Variants in DENND4C observed in about 807,000 individuals in gnomAD.
DENND4C encodes DENN domain-containing protein 4C.
A neutral mutation model predicts 203.0 loss-of-function variants in DENND4C; 108 were observed. That is an observed-to-expected ratio of 0.53 (90% CI 0.46 to 0.62). The LOEUF (loss-of-function observed/expected upper bound fraction) is 0.62, where lower values mean the gene tolerates loss of function less well. Among genes scored for constraint, DENND4C ranks in the 20% least tolerant of loss-of-function variants. DENND4C has a pLI of 0.00. For synonymous variants in DENND4C, 871 were observed against 792.4 expected (o/e 1.10, Z -1.67); for missense variants, 2,481 against 2,301.2 (o/e 1.08, Z -1.60).
intron 3 of DENND4C, among the ~76,000 whole-genome samples, chr9:19,288,284 A>G (rs55948572): frequency 0.066 from 9,974 of 152,214 alleles, 1,037 homozygotes; most frequent in African/African-American, 0.22. Context: ...GTCTTCCCCA[A>G]TTTGGGCTCC....
intron 30 of DENND4C, among the ~76,000 whole-genome samples, chr9:19,367,908 T>C (rs1228053972): frequency 6.6e-6 from 1 of 152,222 alleles, no homozygotes; most frequent in African/African-American, 2.4e-5. Context: ...TAGATTGTAT[T>C]ATTCCATTTA....
intron 30 of DENND4C, among the ~76,000 whole-genome samples, chr9:19,364,932 CA>C (rs1220941462): frequency 2.0e-5 from 3 of 151,976 alleles, no homozygotes; most frequent in Non-Finnish European, 2.9e-5. Flanking sequence ...AAATTTTGCC[CA>C]GGGGGAGAGG....
chr9:19,345,390 G>T (rs1415178679), intron 22 of DENND4C, among the ~76,000 whole-genome samples: 1 of 152,100 alleles, frequency 6.6e-6, no homozygotes, highest in Non-Finnish European at 1.5e-5. Flanking sequence ...TTGAAGAAAT[G>T]GATATATCTG....
intron 30 of DENND4C, among the ~76,000 whole-genome samples, chr9:19,367,139 A>G (rs1422051235): frequency 6.6e-6 from 1 of 152,260 alleles, no homozygotes; most frequent in African/African-American, 2.4e-5. Flanking sequence ...CAAAACCACA[A>G]GGAAATAACA....
chr9:19,255,857 C>T lies in DENND4C; in HGVS notation c.-17-20301C>T, dbSNP rs1246763542. The stretch of plus-strand genomic sequence containing the variant: ...AGGATGTAGTAGACTTGTTACAACA[C>T]TATTTACTTGACTTGATTTATAGAG... On this transcript the variant is annotated intron_variant, in intron 1 of 32. Coordinates refer to ENST00000434457, the MANE Select transcript of DENND4C (RefSeq NM_001330640.2). Among the ~76,000 whole-genome samples, 11 of 152,298 alleles carry T rather than the reference C, an allele frequency of 7.2e-5. No homozygotes were observed. In the East Asian group the frequency reaches 2.1e-3, roughly 29 times the overall value.
chr9:19,333,067 T>C (rs1003661289), intron 17 of DENND4C, among the ~76,000 whole-genome samples: 4 of 151,808 alleles, frequency 2.6e-5, no homozygotes, highest in Non-Finnish European at 4.4e-5. Flanking sequence ...CAAGCTGGAG[T>C]GCAGTGGCAC....
intron 2 of DENND4C, among the ~76,000 whole-genome samples, chr9:19,286,168 A>G (rs1564120036): frequency 6.6e-6 from 1 of 152,196 alleles, no homozygotes. Flanking sequence ...TTGCCATCTT[A>G]TCAATTTTCA....
chr9:19,341,312 T>TTTC (rs1821596272), intron 21 of DENND4C, among the ~76,000 whole-genome samples, 198 bp downstream of exon 21: 1 of 44,592 alleles, frequency 2.2e-5, no homozygotes, highest in East Asian at 6.4e-4. Context: ...TCTTTCTTTC[T>TTTC]TTTTTTTTTT....
chr9:19,356,276 T>C (rs555592100), intron 26 of DENND4C, among the ~76,000 whole-genome samples: 1 of 152,328 alleles, frequency 6.6e-6, no homozygotes, highest in South Asian at 2.1e-4. Flanking sequence ...TAGAGTTCAG[T>C]ATTTATTGAC....
At position 19,373,956 on chromosome 9, in the gene DENND4C, A is replaced by G. The variant is rs1378310775; in HGVS notation, c.*1783A>G. 6.6e-6 allele frequency among the ~76,000 whole-genome samples: 1 copy of G among 152,184 alleles called. No homozygotes were observed. Among genetic ancestry groups the G allele is most frequent in the Admixed American group, 6.5e-5 (1 of 15,272 alleles). On this transcript the variant is annotated 3_prime_UTR_variant, in exon 33 of 33. Transcript: ENST00000434457. ...TGCTAAATGAAACAATTTGTCAGAAATTATGTACAATTTTCATTACCTTCA... is the reference window on the plus strand; with the variant it reads ...TGCTAAATGAAACAATTTGTCAGAAGTTATGTACAATTTTCATTACCTTCA...
intron 10 of DENND4C, among the ~76,000 whole-genome samples, chr9:19,313,331 T>C (rs1357110521): frequency 6.6e-6 from 1 of 152,186 alleles, no homozygotes; most frequent in Non-Finnish European, 1.5e-5. Flanking sequence ...TTAGATGAAA[T>C]GTAGTTCATC....
chr9:19,249,372 C>T (rs998478734), intron 1 of DENND4C, among the ~76,000 whole-genome samples: 2 of 151,168 alleles, frequency 1.3e-5, no homozygotes, highest in Non-Finnish European at 2.9e-5. Context: ...CCTGCCTCAG[C>T]CTCCCGAGTA....
At chr9:19,241,349 C>T (rs1390703692) in intron 1 of DENND4C, among the ~76,000 whole-genome samples, 2 of 152,070 alleles carry the variant, frequency 1.3e-5, no homozygotes, top group East Asian at 1.9e-4. Context: ...TTCTTTAAAT[C>T]CTTATTCTGT....
chr9:19,361,297 G>T (rs1826444620), intron 29 of DENND4C, among the ~76,000 whole-genome samples: 1 of 152,170 alleles, frequency 6.6e-6, no homozygotes, highest in South Asian at 2.1e-4. Flanking sequence ...TCTGTAAGGT[G>T]ACATACCTAA....
At chr9:19,361,994 C>T (rs373675601) in intron 30 of DENND4C, 31 bp downstream of exon 30, 4 of 1,400,546 alleles carry the variant, frequency 2.9e-6, no homozygotes, top group African/African-American at 2.8e-5. Flanking sequence ...GACATAACAG[C>T]CAGGTGCAGT....
chr9:19,313,097 C>T (rs971309236), intron 10 of DENND4C, among the ~76,000 whole-genome samples: 1 of 151,820 alleles, frequency 6.6e-6, no homozygotes, highest in Admixed American at 6.6e-5. Flanking sequence ...CTGTTTTTTT[C>T]CCATCTACTT....
chr9:19,314,508 C>A (rs1260847301), intron 10 of DENND4C, among the ~76,000 whole-genome samples: 1 of 152,052 alleles, frequency 6.6e-6, no homozygotes, highest in Non-Finnish European at 1.5e-5. Flanking sequence ...CAGAAATCAC[C>A]ACTAAAGAAC....
intron 1 of DENND4C, among the ~76,000 whole-genome samples, chr9:19,251,936 C>T (rs1826710418): frequency 6.6e-6 from 1 of 152,196 alleles, no homozygotes; most frequent in Admixed American, 6.5e-5. Flanking sequence ...TCCTTCTGAG[C>T]CCTCCAAACT....
At chr9:19,246,395 T>A (rs572252035) in intron 1 of DENND4C, among the ~76,000 whole-genome samples, 2 of 152,190 alleles carry the variant, frequency 1.3e-5, no homozygotes, top group Non-Finnish European at 2.9e-5. Flanking sequence ...GAAGACTATG[T>A]AATCTCTTTC....
Sources: gnomAD v4.1 joint callset for allele counts (sites outside exome capture counted in the v4.1 genomes callset) on GRCh38, gnomAD v4.1.1 for gene constraint, MANE v1.5 for transcripts, NCBI Gene and HGNC (gene_info 2026-07-23, HGNC 2026-07-21) for gene names.